Variants in SLC9A9 observed in about 807,000 individuals in gnomAD.
SLC9A9 encodes sodium/hydrogen exchanger 9.
Under a neutral mutation model 77.8 loss-of-function variants are expected in SLC9A9, and 62 were observed. The ratio of observed to expected loss-of-function variants is 0.80; its 90% confidence interval spans 0.65 to 0.98. SLC9A9 has a LOEUF of 0.98. Among genes scored for constraint, SLC9A9 ranks in the 50% least tolerant of loss-of-function variants. SLC9A9 has a pLI of 0.00. For synonymous variants in SLC9A9, 320 were observed against 283.5 expected, an observed-to-expected ratio of 1.13 and a Z score of -1.29; for missense variants, 775 against 774.9, an observed-to-expected ratio of 1.00 and a Z score of 0.00.
intron 14 of SLC9A9, among the ~76,000 whole-genome samples, chr3:143,296,288 T>C (rs1190070222): frequency 6.6e-6 from 1 of 152,258 alleles, no homozygotes; most frequent in Non-Finnish European, 1.5e-5. Context: ...TTATTTTGGA[T>C]ACCTCATGTA....
At chr3:143,623,122 TA>T (rs2038252199) in intron 6 of SLC9A9, among the ~76,000 whole-genome samples, 1 of 152,106 alleles carries the variant, frequency 6.6e-6, no homozygotes, top group South Asian at 2.1e-4. Flanking sequence ...AGCAAGTCCT[TA>T]GAGACCTACA....
chr3:143,715,097 G>A (rs927586384), intron 4 of SLC9A9, among the ~76,000 whole-genome samples: 2 of 152,174 alleles, frequency 1.3e-5, no homozygotes, highest in African/African-American at 4.8e-5. Flanking sequence ...CAGCCAAGTG[G>A]AACTGCAAGT....
intron 14 of SLC9A9, among the ~76,000 whole-genome samples, chr3:143,304,858 G>T (rs996648669): frequency 9.2e-5 from 14 of 152,122 alleles, no homozygotes; most frequent in African/African-American, 3.4e-4. Context: ...TGCAAGCCCA[G>T]GTGATGAGCA....
chr3:143,314,416 A>T (rs1201621083), intron 14 of SLC9A9: 1 of 152,276 alleles, frequency 6.6e-6, no homozygotes, highest in African/African-American at 2.4e-5. Flanking sequence ...CATACCGAGT[A>T]GGTTTAAGGG....
chr3:143,402,240 AAAGG>A (rs1253034592), intron 12 of SLC9A9, among the ~76,000 whole-genome samples: 1 of 152,202 alleles, frequency 6.6e-6, no homozygotes, highest in African/African-American at 2.4e-5. Context: ...CAACGAATAA[AAAGG>A]AAGAAATTAT....
At chr3:143,450,252 T>G (rs1489089189) in intron 12 of SLC9A9, among the ~76,000 whole-genome samples, 1 of 142,972 alleles carries the variant, frequency 7.0e-6, no homozygotes, top group Non-Finnish European at 1.5e-5. Flanking sequence ...AATTTATATA[T>G]TGTAACATAA....
intron 9 of SLC9A9, among the ~76,000 whole-genome samples, chr3:143,500,813 A>T (rs909739075): frequency 1.4e-5 from 2 of 142,932 alleles, no homozygotes; most frequent in Admixed American, 1.3e-4. Flanking sequence ...CCACAATTTT[A>T]TGGTATTTAT....
At position 143,725,629 on chromosome 3, in the gene SLC9A9, C is replaced by T. The variant is rs575456307; in HGVS notation, c.534-32322G>A. On this transcript the variant is annotated intron_variant, in intron 4 of 15. Transcript: ENST00000316549. ...GAAATCATCATTCTCAGTAAACTAT[C>T]GTAAGGACAAAAAACCAAACACCGC... Among the ~76,000 whole-genome samples, 54 of 132,502 alleles carry T rather than the reference C, an allele frequency of 4.1e-4. No individual in the cohort carries two copies. The South Asian group carries it at 0.013, about 33-fold the overall frequency. 86.9% of individuals were successfully genotyped at this position (132,502 alleles called of 152,430 possible).
At chr3:143,531,612 T>G (rs2036511540) in intron 9 of SLC9A9, among the ~76,000 whole-genome samples, 1 of 152,220 alleles carries the variant, frequency 6.6e-6, no homozygotes, top group African/African-American at 2.4e-5. Flanking sequence ...TAATACAATA[T>G]GTGGGTGTAA....
chr3:143,396,348 A>AT (rs1472914862), intron 12 of SLC9A9, among the ~76,000 whole-genome samples: 1 of 52,256 alleles, frequency 1.9e-5, no homozygotes, highest in Non-Finnish European at 4.4e-5. Flanking sequence ...TCGCAAGGAT[A>AT]AAAAACCAAA....
intron 9 of SLC9A9, among the ~76,000 whole-genome samples, chr3:143,513,994 C>G (rs113481367): frequency 6.6e-6 from 1 of 152,046 alleles, no homozygotes; most frequent in Non-Finnish European, 1.5e-5. Flanking sequence ...ATCCCTCCCC[C>G]GTCCCCCTAC....
chr3:143,577,771 C>G (rs1057406007), intron 7 of SLC9A9, among the ~76,000 whole-genome samples: 2 of 152,172 alleles, frequency 1.3e-5, no homozygotes, highest in Non-Finnish European at 2.9e-5. Context: ...GGGCCTTCAC[C>G]CCTCTGGCAC....
chr3:143,622,424 A>C (rs2038233842), intron 6 of SLC9A9, among the ~76,000 whole-genome samples: 2 of 152,248 alleles, frequency 1.3e-5, no homozygotes, highest in Non-Finnish European at 2.9e-5. Context: ...CTCTCGGCAG[A>C]AACTCTACAA....
chr3:143,542,451 T>C (rs1211901079), intron 9 of SLC9A9, among the ~76,000 whole-genome samples: 2 of 152,202 alleles, frequency 1.3e-5, no homozygotes, highest in African/African-American at 4.8e-5. Context: ...ACATTCTCTC[T>C]CCACTGTGCC....
intron 9 of SLC9A9, among the ~76,000 whole-genome samples, chr3:143,549,789 G>T (rs1439052836): frequency 6.6e-6 from 1 of 152,108 alleles, no homozygotes; most frequent in Non-Finnish European, 1.5e-5. Flanking sequence ...ACTTAAAAGT[G>T]CAAGTCCCTA....
intron 8 of SLC9A9, among the ~76,000 whole-genome samples, chr3:143,553,948 A>G (rs1300152028): frequency 2.6e-5 from 4 of 152,234 alleles, no homozygotes. Flanking sequence ...AGTACTTCAA[A>G]GCACAAGGAG....
intron 9 of SLC9A9, among the ~76,000 whole-genome samples, chr3:143,545,721 GA>G (rs1370496390): frequency 6.6e-6 from 1 of 152,216 alleles, no homozygotes; most frequent in African/African-American, 2.4e-5. Flanking sequence ...CCCTCAGTAT[GA>G]AACTTTTCAC....
intron 4 of SLC9A9, among the ~76,000 whole-genome samples, chr3:143,786,825 C>A (rs1257757563): frequency 6.6e-6 from 1 of 152,156 alleles, no homozygotes; most frequent in Non-Finnish European, 1.5e-5. Flanking sequence ...GGTCTTCCAG[C>A]CTAACTCAAC....
At chr3:143,626,707 G>A (rs1390725979) in intron 6 of SLC9A9, 1 of 151,938 alleles carries the variant, frequency 6.6e-6, no homozygotes, top group Non-Finnish European at 1.5e-5. Flanking sequence ...CATGGCACAT[G>A]TATACATATG....
Sources: gnomAD v4.1 joint callset for allele counts (sites outside exome capture counted in the v4.1 genomes callset) on GRCh38, gnomAD v4.1.1 for gene constraint, MANE v1.5 for transcripts, NCBI Gene and HGNC (gene_info 2026-07-23, HGNC 2026-07-21) for gene names.